ZMYND11: variants seen among roughly 807,000 people sequenced by gnomAD.
ZMYND11 encodes the protein zinc finger MYND-type containing 11.
Under a neutral mutation model 84.9 loss-of-function variants are expected in ZMYND11, and 9 were observed. That is an observed-to-expected ratio of 0.11 (90% CI 0.06 to 0.18). The LOEUF is 0.18. Ranked by LOEUF, ZMYND11 falls within the 10% of genes least tolerant of loss-of-function variation. ZMYND11 has a pLI of 1.00. For synonymous variants in ZMYND11, 250 were observed against 244.1 expected (o/e 1.02, Z -0.23); for missense variants, 409 against 761.0 (o/e 0.54, Z 5.44).
chr10:241,962 GTACACTTGCATTT>G (rs1951048064), intron 9 of ZMYND11, 46 bp from the exon 10 acceptor site: 20 of 1,570,868 alleles, frequency 1.3e-5, no homozygotes, highest in African/African-American at 2.7e-5. Context: ...AATATTAATG[GTACACTTGCATTT>G]AATACTTTAA....
chr10:250,523 T>C (rs1953221579), intron 14 of ZMYND11, among the ~76,000 whole-genome samples: 1 of 152,058 alleles, frequency 6.6e-6, no homozygotes, highest in Non-Finnish European at 1.5e-5. Flanking sequence ...TAGAAATCTC[T>C]TAAGTTTACT....
chr10:136,879 C>T (rs1165711889), intron 1 of ZMYND11, among the ~76,000 whole-genome samples: 1 of 151,990 alleles, frequency 6.6e-6, no homozygotes, highest in East Asian at 1.9e-4. Context: ...TGCACGGTAC[C>T]GTGCTGCCAT....
intron 4 of ZMYND11, among the ~76,000 whole-genome samples, chr10:234,570 A>G (rs1949596668): frequency 6.7e-6 from 1 of 149,280 alleles, no homozygotes; most frequent in Non-Finnish European, 1.5e-5. Flanking sequence ...GTAGATTGCT[A>G]TTATGTCTGA....
At chr10:251,099 G>A (rs577068851) in intron 14 of ZMYND11, among the ~76,000 whole-genome samples, 1 of 152,340 alleles carries the variant, frequency 6.6e-6, no homozygotes, top group East Asian at 1.9e-4. Flanking sequence ...AGGACAGAAA[G>A]CATGTAGGTA....
At chr10:179,606 G>A (rs57748257) in intron 1 of ZMYND11, among the ~76,000 whole-genome samples, 27 of 152,188 alleles carry the variant, frequency 1.8e-4, no homozygotes, top group African/African-American at 6.3e-4. Flanking sequence ...GTGCCAATTA[G>A]AATATTTAAA....
chr10:164,633 T>G (rs1447195993), intron 1 of ZMYND11, among the ~76,000 whole-genome samples: 1 of 152,186 alleles, frequency 6.6e-6, no homozygotes, highest in Admixed American at 6.5e-5. Context: ...CAGATTCCAT[T>G]TGTCAAATCC....
chr10:134,755 G>C (rs1835486942), upstream of ZMYND11: 1 of 152,602 alleles, frequency 6.6e-6, no homozygotes, highest in Non-Finnish European at 1.5e-5. Context: ...CCCCGGCCTC[G>C]GCGCCCGCTC....
At chr10:192,104 A>C (rs529109733) in intron 2 of ZMYND11, among the ~76,000 whole-genome samples, 1 of 152,242 alleles carries the variant, frequency 6.6e-6, no homozygotes, top group Non-Finnish European at 1.5e-5. Flanking sequence ...GTTGCAGAAC[A>C]GATCTGTGTG....
At chr10:170,565 T>C (rs1845088232) in intron 1 of ZMYND11, among the ~76,000 whole-genome samples, 1 of 152,034 alleles carries the variant, frequency 6.6e-6, no homozygotes, top group Admixed American at 6.6e-5. Flanking sequence ...CAGAATATTG[T>C]GTTACTATAA....
rs193263831 is a variant in ZMYND11 at position 221,640 on chromosome 10, A to G, written c.438+284A>G. Among the ~76,000 whole-genome samples, 458 of 152,328 alleles carry G rather than the reference A, an allele frequency of 3.0e-3. No individual in the cohort carries two copies. In the Middle Eastern group the frequency reaches 0.031, roughly 10 times the overall value. ...CTAATTTAATGGATGGCCTTTGGAC[A>G]TCAGAAATACGAAACCTACTAACAT... On this transcript the variant is annotated intron_variant, in intron 4 of 14. Transcript: ENST00000381604.
chr10:205,854 G>C (rs952172444), intron 2 of ZMYND11, among the ~76,000 whole-genome samples: 3 of 150,648 alleles, frequency 2.0e-5, no homozygotes, highest in South Asian at 4.2e-4. Context: ...ATTAATATCT[G>C]GTTTAATTTC....
At chr10:220,566 GT>G (rs1946972560) in intron 3 of ZMYND11, among the ~76,000 whole-genome samples, 2 of 152,116 alleles carry the variant, frequency 1.3e-5, no homozygotes, top group African/African-American at 2.4e-5. Context: ...GTTTTCTGTG[GT>G]AATCTCCTTT....
chr10:209,281 T>G (rs1944751703), intron 2 of ZMYND11, among the ~76,000 whole-genome samples: 1 of 152,170 alleles, frequency 6.6e-6, no homozygotes, highest in Admixed American at 6.5e-5. Flanking sequence ...AAAAAATACC[T>G]TGTAACGGTA....
intron 2 of ZMYND11, among the ~76,000 whole-genome samples, chr10:196,300 T>G (rs1045431027): frequency 2.0e-5 from 3 of 152,240 alleles, no homozygotes; most frequent in African/African-American, 7.2e-5. Flanking sequence ...TAAGTATTGT[T>G]GTAAGTAGAA....
chr10:220,468 C>G (rs1458575962), intron 3 of ZMYND11, among the ~76,000 whole-genome samples: 1 of 152,044 alleles, frequency 6.6e-6, no homozygotes, highest in Non-Finnish European at 1.5e-5. Context: ...AAAATAAGAA[C>G]ATGTTGAAGA....
At position 249,335 on chromosome 10, in the gene ZMYND11, T is replaced by C. The variant is rs1464792749; in HGVS notation, c.1686+247T>C. 6.4e-6 allele frequency: 8 copies of C among 1,255,614 alleles called. No homozygotes were observed. The East Asian group carries it at 2.1e-4, about 32-fold the overall frequency. The allele number at this position is 1,255,614 out of a possible 1,614,324, so 77.8% of individuals were successfully genotyped here. ...TGAGATTATAATACCTTAGTACATA[T>C]TTATTACAATTAACTTATATAATTT... is the stretch of plus-strand genomic sequence containing the variant. On this transcript the variant is annotated intron_variant, in intron 14 of 14. Coordinates refer to ENST00000381604, the MANE Select transcript of ZMYND11 (RefSeq NM_001370100.5).
intron 4 of ZMYND11, among the ~76,000 whole-genome samples, chr10:233,058 A>C (rs527908705): frequency 6.6e-6 from 1 of 152,222 alleles, no homozygotes; most frequent in African/African-American, 2.4e-5. Context: ...CCGTGTTTAC[A>C]TGACGAGGTC....
chr10:148,473 G>A (rs117713103), intron 1 of ZMYND11: 9 of 152,332 alleles, frequency 5.9e-5, no homozygotes, highest in Non-Finnish European at 1.0e-4. Context: ...AGTCCTTGAG[G>A]TGTAAGACTC....
At chr10:170,456 G>GTT (rs58754463) in intron 1 of ZMYND11, among the ~76,000 whole-genome samples, 2 of 129,258 alleles carry the variant, frequency 1.5e-5, no homozygotes, top group African/African-American at 5.8e-5. Context: ...GTGTGTGTGT[G>GTT]CGTGCTTATG....
Sources: gnomAD v4.1 joint callset for allele counts (sites outside exome capture counted in the v4.1 genomes callset) on GRCh38, gnomAD v4.1.1 for gene constraint, MANE v1.5 for transcripts, NCBI Gene and HGNC (gene_info 2026-07-23, HGNC 2026-07-21) for gene names.